RBFOX2: variants seen among roughly 807,000 people sequenced by gnomAD.
RBFOX2 encodes RNA binding fox-1 homolog 2, also known as RNA binding protein fox-1 homolog 2.
A neutral mutation model predicts 49.1 loss-of-function variants in RBFOX2; 10 were observed. The observed-to-expected ratio is 0.20, with a 90% confidence interval of 0.13 to 0.35. The LOEUF is 0.35. Among genes scored for constraint, RBFOX2 ranks in the 10% least tolerant of loss-of-function variants. The pLI is 1.00. For missense variants in RBFOX2, 323 were observed against 486.9 expected, an observed-to-expected ratio of 0.66 and a Z score of 3.17; for synonymous variants, 183 against 187.4, an observed-to-expected ratio of 0.98 and a Z score of 0.19.
chr22:35,794,394 C>G (rs1052731574), intron 2 of RBFOX2, among the ~76,000 whole-genome samples: 5 of 152,090 alleles, frequency 3.3e-5, no homozygotes, highest in Non-Finnish European at 5.9e-5. Context: ...CGCGGTGGCT[C>G]ACACCTGTAA....
In RBFOX2 at chr22:36,009,587, C is replaced by T. The variant is rs1002393031; in HGVS notation, c.186+18653G>A. 3.9e-5 allele frequency among the ~76,000 whole-genome samples: 6 copies of T among 152,176 alleles called. 1 individual carries two copies. In the South Asian group the frequency reaches 1.2e-3, roughly 32 times the overall value. ...GTTTTTTTGTAAAGGCGGGGTTTCA[C>T]CATGTTGCCCAGGCTAGTCTCAAAT... On this transcript the variant is annotated intron_variant, in intron 1 of 13. Transcript: ENST00000438146.
chr22:35,935,114 T>G (rs1156652955), intron 1 of RBFOX2, among the ~76,000 whole-genome samples: 3 of 152,034 alleles, frequency 2.0e-5, no homozygotes, highest in Non-Finnish European at 4.4e-5. Context: ...TTTTTTATTT[T>G]TAGTAGAGAC....
intron 6 of RBFOX2, among the ~76,000 whole-genome samples, chr22:35,765,005 T>C (rs1345273745): frequency 1.3e-5 from 2 of 151,912 alleles, no homozygotes; most frequent in African/African-American, 4.8e-5. Context: ...GTGATTAAAA[T>C]ATCCTCCTAA....
intron 2 of RBFOX2, among the ~76,000 whole-genome samples, chr22:35,806,692 T>A (rs1300332183): frequency 6.6e-6 from 1 of 152,142 alleles, no homozygotes; most frequent in East Asian, 1.9e-4. Context: ...ATGACAGACA[T>A]AAATCTACCT....
intron 4 of RBFOX2, 151 bp downstream of exon 5, chr22:35,777,874 T>C (rs888751058): frequency 1.3e-5 from 10 of 763,278 alleles, no homozygotes; most frequent in Non-Finnish European, 2.1e-5. Context: ...ATGTGGTAGC[T>C]TATTTTTAGA....
At chr22:35,934,905 T>C (rs1484899341) in intron 1 of RBFOX2, among the ~76,000 whole-genome samples, 1 of 152,098 alleles carries the variant, frequency 6.6e-6, no homozygotes, top group Non-Finnish European at 1.5e-5. Flanking sequence ...CACTACATTG[T>C]ATCATCAATC....
chr22:35,924,522 C>CA (rs2051394751), intron 1 of RBFOX2, among the ~76,000 whole-genome samples: 1 of 152,206 alleles, frequency 6.6e-6, no homozygotes, highest in Admixed American at 6.5e-5. Context: ...TTGTAAGAGG[C>CA]ACTCTCTTGC....
At chr22:35,761,126 AG>A (rs1938659475) in intron 8 of RBFOX2, 75 bp downstream of exon 9, 2 of 1,252,508 alleles carry the variant, frequency 1.6e-6, no homozygotes, top group Non-Finnish European at 2.3e-6. Flanking sequence ...GTACTGTACT[AG>A]GAAAAAAAAA....
chr22:35,757,001 A>C (rs1165337270), intron 9 of RBFOX2, among the ~76,000 whole-genome samples: 2 of 152,138 alleles, frequency 1.3e-5, no homozygotes, highest in Non-Finnish European at 2.9e-5. Context: ...TATAATCCAG[A>C]GTGGGAAGGA....
chr22:35,904,988 G>A (rs2048973501), intron 1 of RBFOX2, among the ~76,000 whole-genome samples: 1 of 152,202 alleles, frequency 6.6e-6, no homozygotes, highest in South Asian at 2.1e-4. Flanking sequence ...AGACAGAGCT[G>A]TCCTAGAACA....
chr22:35,792,162 C>T (rs57460692), intron 2 of RBFOX2, among the ~76,000 whole-genome samples: 4 of 151,320 alleles, frequency 2.6e-5, no homozygotes, highest in African/African-American at 9.7e-5. Context: ...ACTAAAAATA[C>T]AAAAATTAGG....
intron 1 of RBFOX2, among the ~76,000 whole-genome samples, chr22:35,867,503 C>A (rs770470762): frequency 2.6e-5 from 4 of 152,168 alleles, no homozygotes; most frequent in Non-Finnish European, 5.9e-5. Context: ...TTACTAGACA[C>A]ACAATTGCTC....
intron 1 of RBFOX2, among the ~76,000 whole-genome samples, chr22:35,971,668 G>T (rs79192077): frequency 1.4e-4 from 21 of 152,032 alleles, no homozygotes; most frequent in Admixed American, 1.4e-3. Flanking sequence ...AAACAGGGCA[G>T]GCAAAGGGAG....
chr22:35,768,208 A>C, intron 5 of RBFOX2, 49 bp downstream of exon 6: 1 of 1,585,442 alleles, frequency 6.3e-7, no homozygotes, highest in Non-Finnish European at 8.7e-7. Flanking sequence ...AACACGAAAA[A>C]AGAGAAATAA....
intron 1 of RBFOX2, among the ~76,000 whole-genome samples, chr22:36,008,803 A>G (rs2058710179): frequency 6.6e-6 from 1 of 152,094 alleles, no homozygotes; most frequent in Non-Finnish European, 1.5e-5. Context: ...ACAGAATGAG[A>G]CACTGTCTCA....
chr22:36,013,933 G>A (rs986451442), intron 1 of RBFOX2, among the ~76,000 whole-genome samples: 4 of 151,980 alleles, frequency 2.6e-5, no homozygotes, highest in Non-Finnish European at 4.4e-5. Flanking sequence ...TTAACTTACC[G>A]GTAGGGAATC....
intron 9 of RBFOX2, among the ~76,000 whole-genome samples, chr22:35,758,808 C>T (rs918920580): frequency 4.0e-5 from 6 of 151,886 alleles, no homozygotes; most frequent in African/African-American, 1.5e-4. Context: ...AATGGTACAT[C>T]CATTTGGTCT....
intron 2 of RBFOX2, among the ~76,000 whole-genome samples, chr22:35,802,121 T>C (rs901393731): frequency 2.0e-5 from 3 of 152,112 alleles, no homozygotes; most frequent in Admixed American, 6.5e-5. Flanking sequence ...GTCTTAACTA[T>C]ATATATAATG....
chr22:35,785,987 C>CT (rs1376259346), intron 2 of RBFOX2, among the ~76,000 whole-genome samples: 1 of 152,198 alleles, frequency 6.6e-6, no homozygotes, highest in East Asian at 1.9e-4. Context: ...TCACATGAAA[C>CT]TTTATCTTCA....
Sources: gnomAD v4.1 joint callset for allele counts (sites outside exome capture counted in the v4.1 genomes callset) on GRCh38, gnomAD v4.1.1 for gene constraint, MANE v1.5 for transcripts, NCBI Gene and HGNC (gene_info 2026-07-23, HGNC 2026-07-21) for gene names.